Variants in LAMC3 observed in about 807,000 individuals in gnomAD.
LAMC3 encodes laminin subunit gamma-3.
LAMC3 carries 128 observed loss-of-function variants against 173.8 expected under a neutral mutation model. The observed-to-expected ratio is 0.74, with a 90% CI of 0.64 to 0.85. The LOEUF is 0.85. Ranked by LOEUF, LAMC3 falls within the 40% of genes least tolerant of loss-of-function variation. The probability of loss-of-function intolerance (pLI) is 0.00; values close to 1 mark genes in which losing one functional copy is unlikely to be tolerated. For missense variants in LAMC3, 2,022 were observed against 2,156.0 expected (o/e 0.94, Z 1.23); for synonymous variants, 897 against 909.1 (o/e 0.99, Z 0.24).
rs1829945425 is a variant in LAMC3 at position 131,066,953 on chromosome 9, C to T, written c.2348-7C>T. On this transcript the variant is annotated splice_polypyrimidine_tract_variant and splice_region_variant and intron_variant, in intron 13 of 27. Coordinates refer to ENST00000361069, the MANE Select transcript of LAMC3 (RefSeq NM_006059.4). ...GTGTTCCCCACACGTGCTCCCTCTA[C>T]ACACAGGGCGGCGCTGTGAGGTCTG... is the stretch of plus-strand genomic sequence containing the variant. 1 of 1,613,668 alleles carries T rather than the reference C, an allele frequency of 6.2e-7. No homozygotes were observed. The highest frequency in any genetic ancestry group is 8.5e-7 in the Non-Finnish European group (1 of 1,180,020).
At position 131,091,590 on chromosome 9, in the gene LAMC3, G is replaced by A. The variant is rs758111839; in HGVS notation, c.4531G>A (p.Ala1511Thr). ...CCAGGCCCTGAACGAGACTCAGTGG[G>A]CACTAGAACGCCTGAGGCTGCAGCT... Reference protein sequence around the residue: ...PAQALNETQWALERLRLQLGS... With the variant: ...PAQALNETQWTLERLRLQLGS... Residue 1511 changes from alanine to threonine, a missense_variant, in exon 28 of 28, where the codon GCA (alanine) becomes ACA (threonine). Transcript: ENST00000361069. 6.3e-7 allele frequency: 1 copy of A among 1,591,468 alleles called. No individual in the cohort carries two copies. The highest frequency in any genetic ancestry group is 8.6e-7 in the Non-Finnish European group (1 of 1,169,186).
At chr9:131,023,242 T>C (rs1374039270) in intron 1 of LAMC3, among the ~76,000 whole-genome samples, 1 of 152,242 alleles carries the variant, frequency 6.6e-6, no homozygotes, top group African/African-American at 2.4e-5. Flanking sequence ...AACATCCATA[T>C]GTACGTTTTG....
intron 1 of LAMC3, among the ~76,000 whole-genome samples, chr9:131,017,451 T>C (rs1040791968): frequency 1.3e-5 from 2 of 151,388 alleles, no homozygotes; most frequent in Non-Finnish European, 2.9e-5. Context: ...AGAGGCCGGG[T>C]GCGGTCCTTA....
At position 131,026,681 on chromosome 9, in the gene LAMC3, G is replaced by C; in HGVS notation, c.678+92G>C. 1 of 1,440,046 alleles carries C rather than the reference G, an allele frequency of 6.9e-7. No individual in the cohort carries two copies. 89.2% of individuals were successfully genotyped at this position (1,440,046 alleles called of 1,614,324 possible). On this transcript the variant is annotated intron_variant, in intron 2 of 27. Coordinates refer to ENST00000361069, the MANE Select transcript of LAMC3 (RefSeq NM_006059.4). This position sits in a 1 kb window ranked among gnomAD's most constrained non-coding sequence, Gnocchi z 4.8. ...CTGATGTGCCAGGACACACAGGGTGGGGGACCTGCAAAACCCCATGGTTTT... is the reference window on the plus strand; with the variant it reads ...CTGATGTGCCAGGACACACAGGGTGCGGGACCTGCAAAACCCCATGGTTTT...
At position 131,072,168 on chromosome 9, in the gene LAMC3, C is replaced by T. The variant is rs547908264; in HGVS notation, c.3212-462C>T. Among the ~76,000 whole-genome samples, 49 of 141,464 alleles carry T rather than the reference C, an allele frequency of 3.5e-4. 1 individual carries two copies. In the South Asian group the frequency reaches 8.8e-3, roughly 26 times the overall value. 92.8% of individuals were successfully genotyped at this position (141,464 alleles called of 152,430 possible). A position where few individuals can be genotyped will look rare whatever the true frequency, so the allele number is the denominator to read the frequency against. ...GGAGGGAGGGAGGACCTGGAAATGG[C>T]GCTGAAATGGATTGGATTACTTTGT... On this transcript the variant is annotated intron_variant, in intron 18 of 27. Coordinates refer to ENST00000361069, the MANE Select transcript of LAMC3 (RefSeq NM_006059.4).
Position 131,072,840 on chromosome 9 carries a change from C to T in LAMC3, c.3417+5C>T, listed in dbSNP as rs772759983. 13 of 1,607,354 alleles carry T rather than the reference C, an allele frequency of 8.1e-6. No homozygotes were observed. The highest frequency in any genetic ancestry group is 1.3e-5 in the African/African-American group (1 of 74,842). On this transcript the variant is annotated splice_donor_5th_base_variant and intron_variant, in intron 19 of 27. Coordinates refer to ENST00000361069, the MANE Select transcript of LAMC3 (RefSeq NM_006059.4). Reference sequence around the variant, plus strand: ...GCTGCCATTCTCGCGTCTCTGGTATCCCAGGGGACCCCCCTACCCGAACAC... The same window carrying T: ...GCTGCCATTCTCGCGTCTCTGGTATTCCAGGGGACCCCCCTACCCGAACAC...
intron 21 of LAMC3, among the ~76,000 whole-genome samples, chr9:131,076,903 CAT>C (rs1287855431): frequency 6.6e-6 from 1 of 152,222 alleles, no homozygotes; most frequent in Non-Finnish European, 1.5e-5. Flanking sequence ...CATTTGCAAA[CAT>C]GTGATTCTTG....
chr9:131,056,710 T>C (rs577007272), intron 11 of LAMC3, among the ~76,000 whole-genome samples: 3 of 152,188 alleles, frequency 2.0e-5, no homozygotes, highest in South Asian at 4.1e-4. Flanking sequence ...GTGGGATCAC[T>C]GGAGACTAGG....
At position 131,077,204 on chromosome 9, in the gene LAMC3, C is replaced by T. The variant is rs753468963; in HGVS notation, c.3647C>T (p.Ala1216Val). 39 of 1,613,600 alleles carry T rather than the reference C, an allele frequency of 2.4e-5. 1 individual carries two copies. In the South Asian group the frequency reaches 2.7e-4, roughly 11 times the overall value. Residue 1216 changes from alanine (A) to valine (V), a missense_variant, in exon 22 of 28, where the codon GCG (alanine) becomes GTG (valine). By Grantham distance (64) the Ala-to-Val change is moderately conservative. Transcript: ENST00000361069. ...CCTCCCAGGTACCAGGAGGTCCAGG[C>T]GGCCCAGAAAGCACTGAGGACGGCT... The part of the protein sequence containing the change: ...DLEDRYQEVQ[A>V]AQKALRTAVA...
At position 131,087,464 on chromosome 9, in the gene LAMC3, C is replaced by T. The variant is rs1437538608; in HGVS notation, c.4231-12C>T. 1.2e-6 allele frequency: 2 copies of T among 1,613,618 alleles called. No individual in the cohort carries two copies. Among genetic ancestry groups the T allele is most frequent in the African/African-American group, 1.3e-5 (1 of 74,954 alleles). ...TCACTTCTTCTCCCTGCCACTGCCA[C>T]CCATCCCATAGCTTGCCAAGGCCTT... On this transcript the variant is annotated splice_polypyrimidine_tract_variant and intron_variant, in intron 25 of 27. Transcript: ENST00000361069.
Position 131,066,997 on chromosome 9 carries a change from G to T in LAMC3, c.2385G>T (p.Gly795=). ...RCEVCDDGFF[G]DPLGLFGHPQ... ...AGGTCTGTGATGATGGCTTTTTTGG[G>T]GACCCGCTGGGGCTCTTTGGGCACC... The change falls in exon 14 of 28, where the codon GGG becomes GGT. Residue 795 remains glycine, a synonymous_variant. Coordinates refer to ENST00000361069, the MANE Select transcript of LAMC3 (RefSeq NM_006059.4). 6.2e-7 allele frequency: 1 copy of T among 1,613,964 alleles called. No homozygotes were observed. Among genetic ancestry groups the T allele is most frequent in the Non-Finnish European group, 8.5e-7 (1 of 1,180,012 alleles).
At chr9:131,077,503 C>A in intron 22 of LAMC3, among the ~76,000 whole-genome samples, 169 bp downstream of exon 22, 1 of 151,800 alleles carries the variant, frequency 6.6e-6, no homozygotes, top group East Asian at 1.9e-4. Context: ...GTAGTGAAAC[C>A]TAGTCTCTAC....
intron 23 of LAMC3, among the ~76,000 whole-genome samples, chr9:131,081,319 T>C (rs548955880): frequency 1.1e-4 from 16 of 152,334 alleles, no homozygotes; most frequent in African/African-American, 3.6e-4. Flanking sequence ...CCAAATTCTT[T>C]CAGTGTATCT....
intron 12 of LAMC3, among the ~76,000 whole-genome samples, chr9:131,057,970 C>G (rs1242580179): frequency 1.3e-5 from 2 of 152,228 alleles, no homozygotes; most frequent in African/African-American, 4.8e-5. Flanking sequence ...CCCTTCCTGT[C>G]CCATCTCACA....
chr9:131,083,055 C>T (rs1830268202), intron 24 of LAMC3, among the ~76,000 whole-genome samples: 1 of 152,176 alleles, frequency 6.6e-6, no homozygotes, highest in South Asian at 2.1e-4. Context: ...GCTTAAGTAT[C>T]TAGAGTCATA....
In LAMC3 at chr9:131,083,865, C is replaced by CTTTTT. The variant is rs61109597; in HGVS notation, c.4031-1636_4031-1632dup. 2.0e-4 allele frequency among the ~76,000 whole-genome samples: 10 copies of CTTTTT among 49,258 alleles called. 1 individual carries two copies. The highest frequency in any genetic ancestry group is 9.0e-4 in the African/African-American group (10 of 11,078). 32.3% of individuals were successfully genotyped at this position (49,258 alleles called of 152,430 possible). A position where few individuals can be genotyped will look rare whatever the true frequency, so the allele number is the denominator to read the frequency against. On this transcript the variant is annotated intron_variant, in intron 24 of 27. Transcript: ENST00000361069. ...TTTACTTTGTCCACTGTAATAAGTGCTTTTTTTTTTTTTTTTTTTTTTTTT... is the reference window on the plus strand; with the variant it reads ...TTTACTTTGTCCACTGTAATAAGTGCTTTTTTTTTTTTTTTTTTTTTTTTTTTTTT...
Position 131,026,388 on chromosome 9 carries a change from C to G in LAMC3, c.477C>G (p.Pro159=). 6.2e-7 allele frequency: 1 copy of G among 1,614,126 alleles called. No homozygotes were observed. The highest frequency in any genetic ancestry group is 8.5e-7 in the Non-Finnish European group (1 of 1,180,046). Residue 159 remains proline, a synonymous_variant, in exon 2 of 28, where the codon CCC becomes CCG. Transcript: ENST00000361069. This position sits in a 1 kb window ranked among gnomAD's most constrained non-coding sequence, Gnocchi z 4.8. The stretch of plus-strand genomic sequence containing the variant: ...GCCGCGCCGACGGCCCATGGGAGCC[C>G]TACCAGTTCTACAGCGCCTCCTGCC... ...KRSRADGPWE[P]YQFYSASCQK...
At chr9:131,079,521 C>A (rs559721005) in intron 23 of LAMC3, among the ~76,000 whole-genome samples, 1 of 152,158 alleles carries the variant, frequency 6.6e-6, no homozygotes, top group African/African-American at 2.4e-5. Flanking sequence ...GGTGAAACCC[C>A]ATCTCTACTA....
chr9:131,022,420 A>G (rs1240505357), intron 1 of LAMC3, among the ~76,000 whole-genome samples: 1 of 152,040 alleles, frequency 6.6e-6, no homozygotes, highest in African/African-American at 2.4e-5. Context: ...ACAATAACAT[A>G]CATAGTATAT....
Sources: allele counts gnomAD v4.1 joint callset (sites outside exome capture counted in the v4.1 genomes callset), GRCh38; gene constraint gnomAD v4.1.1; non-coding constraint Gnocchi (gnomAD v3.1); transcripts MANE v1.5; gene names NCBI Gene and HGNC (gene_info 2026-07-23, HGNC 2026-07-21).